CDHR1: variants seen among roughly 807,000 people sequenced by gnomAD.
CDHR1 encodes the protein cadherin related family member 1.
Under a neutral mutation model 72.1 loss-of-function variants are expected in CDHR1, and 61 were observed. That is an observed-to-expected ratio of 0.85 (90% CI 0.69 to 1.05). The LOEUF (loss-of-function observed/expected upper bound fraction) is 1.05. CDHR1 is among the 50% of genes least tolerant of loss of function. The pLI is 0.00. For missense variants in CDHR1, 1,186 were observed against 1,115.7 expected, an observed-to-expected ratio of 1.06 and a Z score of -0.90; for synonymous variants, 470 against 448.1, an observed-to-expected ratio of 1.05 and a Z score of -0.62.
chr10:84,212,063 G>A, intron 14 of CDHR1, 116 bp from the exon 15 acceptor site: 1 of 899,926 alleles, frequency 1.1e-6, no homozygotes, highest in Non-Finnish European at 1.8e-6. Flanking sequence ...CACTTTGGAG[G>A]AGCTGCATGA....
In CDHR1 at chr10:84,216,741, C is replaced by T. The variant is rs2132842496; in HGVS notation, c.*2120C>T. ...GCAGGACATTTGCAGGCCTTGTCTA[C>T]TGGACTTTTCTCCCAAACAGGACAA... On this transcript the variant is annotated 3_prime_UTR_variant, in exon 17 of 17. Coordinates refer to ENST00000623527, the MANE Select transcript of CDHR1 (RefSeq NM_033100.4). 1 of 985,472 alleles carries T rather than the reference C, an allele frequency of 1.0e-6. No homozygotes were observed. Among genetic ancestry groups the T allele is most frequent in the Non-Finnish European group, 1.2e-6 (1 of 829,942 alleles). 61.0% of individuals were successfully genotyped at this position (985,472 alleles called of 1,614,324 possible).
chr10:84,219,169 T>C (rs1474211117), downstream of CDHR1: 2 of 1,550,300 alleles, frequency 1.3e-6, no homozygotes, highest in South Asian at 2.4e-5. Context: ...GAAACCACAT[T>C]CCAGCCAGGG....
At chr10:84,197,883 C>T in intron 4 of CDHR1, 47 bp downstream of exon 4, 1 of 1,567,648 alleles carries the variant, frequency 6.4e-7, no homozygotes, top group Non-Finnish European at 8.8e-7. Flanking sequence ...AGTATTTGGG[C>T]CTGAGAAGGG....
At chr10:84,219,316 C>A (rs972451594), downstream of CDHR1, 1 of 1,544,132 alleles carries the variant, frequency 6.5e-7, no homozygotes, top group South Asian at 1.2e-5. Context: ...AGACCATTTT[C>A]CCTCTCCCTA....
In CDHR1 at chr10:84,210,494, C is replaced by T. The variant is rs1381579128; in HGVS notation, c.1321-507C>T. ...GTTGGCCAGGCTGGTCTCGAACTCC[C>T]GACCTCAGGTGATCCACCCGCCTTG... is the stretch of plus-strand genomic sequence containing the variant. On this transcript the variant is annotated intron_variant, in intron 12 of 16. Coordinates refer to ENST00000623527, the MANE Select transcript of CDHR1 (RefSeq NM_033100.4). 2.6e-5 allele frequency among the ~76,000 whole-genome samples: 4 copies of T among 151,894 alleles called. No homozygotes were observed. In the South Asian group the frequency reaches 6.2e-4, roughly 24 times the overall value.
At chr10:84,205,018 G>C (rs1039070196) in intron 9 of CDHR1, among the ~76,000 whole-genome samples, 1 of 152,170 alleles carries the variant, frequency 6.6e-6, no homozygotes, top group Non-Finnish European at 1.5e-5. Flanking sequence ...CATCTCCCTA[G>C]TGCTAGCCCT....
chr10:84,210,510 A>AC (rs567145963), intron 12 of CDHR1, among the ~76,000 whole-genome samples: 44 of 151,914 alleles, frequency 2.9e-4, no homozygotes, highest in African/African-American at 6.8e-4. Context: ...CAGGTGATCC[A>AC]CCCGCCTTGG....
chr10:84,196,580 G>A lies in CDHR1; in HGVS notation c.227G>A (p.Ser76Asn), dbSNP rs771221565. The change falls in exon 3 of 17, where the codon AGC becomes AAC. Residue 76 changes from serine to asparagine, a missense_variant. Ser to Asn is a conservative substitution (Grantham distance 46). Coordinates refer to ENST00000623527, the MANE Select transcript of CDHR1 (RefSeq NM_033100.4). The stretch of plus-strand genomic sequence containing the variant: ...TCCTACCACATCAGCTTTGACCCCA[G>A]CACTAGAAGCGTCTTTTCTGTTGAC... The part of the protein sequence containing the change: ...PISYHISFDP[S>N]TRSVFSVDPT... 3.1e-6 allele frequency: 5 copies of A among 1,614,096 alleles called. No homozygotes were observed. The highest frequency in any genetic ancestry group is 4.2e-6 in the Non-Finnish European group (5 of 1,180,040).
At position 84,195,474 on chromosome 10, in the gene CDHR1, GT is replaced by G; in HGVS notation, c.56-18del. On this transcript the variant is annotated intron_variant, in intron 1 of 16. Transcript: ENST00000623527. ...GTGTCCTTTGCCTGGGTGTCCGTCT[GT>G]TCTGTGTTCTTTTTCCAGCTCAGGC... is the stretch of plus-strand genomic sequence containing the variant. 1 of 1,609,718 alleles carries G rather than the reference GT, an allele frequency of 6.2e-7. No homozygotes were observed.
In CDHR1 at chr10:84,195,501, C is replaced by A. The variant is rs755305775; in HGVS notation, c.63C>A (p.Ala21=). The A allele has an allele frequency of 3.7e-6, 6 of 1,613,974 alleles. No individual in the cohort carries two copies. In the Admixed American group the frequency reaches 1.0e-4, roughly 27 times the overall value. ...TCTGTGTTCTTTTTCCAGCTCAGGC[C>A]AACTTCGCCCCGCACTTCTTCGACA... ...LGLLRLCLAQ[A]NFAPHFFDNG... is the part of the protein sequence containing the mutation. The change falls in exon 2 of 17, where the codon GCC becomes GCA. Residue 21 remains alanine, a synonymous_variant. Transcript: ENST00000623527.
chr10:84,215,008 G>C lies in CDHR1; in HGVS notation c.*387G>C. On this transcript the variant is annotated 3_prime_UTR_variant, in exon 17 of 17. Transcript: ENST00000623527. Reference sequence around the variant, plus strand: ...CATCATCATCCTTAGTCAAGCAGCAGGGCCCTGGCCACGTGGAGCAACACT... The same window carrying C: ...CATCATCATCCTTAGTCAAGCAGCACGGCCCTGGCCACGTGGAGCAACACT... The C allele has an allele frequency of 8.7e-7, 1 of 1,145,372 alleles. No homozygotes were observed. Among genetic ancestry groups the C allele is most frequent in the African/African-American group, 1.6e-5 (1 of 62,294 alleles). The allele number at this position is 1,145,372 out of a possible 1,614,324, so 71.0% of individuals were successfully genotyped here. A position where few individuals can be genotyped will look rare whatever the true frequency, so the allele number is the denominator to read the frequency against.
chr10:84,216,073 G>A lies in CDHR1; in HGVS notation c.*1452G>A. On this transcript the variant is annotated 3_prime_UTR_variant, in exon 17 of 17. Transcript: ENST00000623527. ...ACAGAAGTCATACAAGGCCTCTGGGGTTAATACAAATAGGTTGTGCCCTGC... is the reference window on the plus strand; with the variant it reads ...ACAGAAGTCATACAAGGCCTCTGGGATTAATACAAATAGGTTGTGCCCTGC... The A allele has an allele frequency of 2.0e-6, 2 of 985,444 alleles. No homozygotes were observed. Among genetic ancestry groups the A allele is most frequent in the Non-Finnish European group, 2.4e-6 (2 of 829,946 alleles). The allele number at this position is 985,444 out of a possible 1,614,324, so 61.0% of individuals were successfully genotyped here.
intron 6 of CDHR1, 71 bp downstream of exon 6, chr10:84,200,758 T>A: frequency 2.8e-6 from 3 of 1,065,460 alleles, no homozygotes; most frequent in Non-Finnish European, 4.3e-6. Context: ...CCTACCTCCA[T>A]CGCCCCAGGC....
chr10:84,205,675 C>T, intron 9 of CDHR1, 152 bp from the exon 10 acceptor site: 1 of 695,168 alleles, frequency 1.4e-6, no homozygotes, highest in Admixed American at 2.0e-5. Context: ...TACTTAGCCC[C>T]TCTGAGACTG....
chr10:84,214,817 G>T lies in CDHR1; in HGVS notation c.*196G>T. 1.3e-6 allele frequency: 2 copies of T among 1,501,732 alleles called. No homozygotes were observed. Among genetic ancestry groups the T allele is most frequent in the Non-Finnish European group, 1.8e-6 (2 of 1,136,450 alleles). The allele number at this position is 1,501,732 out of a possible 1,614,324, so 93.0% of individuals were successfully genotyped here. On this transcript the variant is annotated 3_prime_UTR_variant, in exon 17 of 17. Coordinates refer to ENST00000623527, the MANE Select transcript of CDHR1 (RefSeq NM_033100.4). The stretch of plus-strand genomic sequence containing the variant: ...TGCGCTCTGACAGGGCTCTAGTCAG[G>T]GCCTTGGGCAAGACATTGGGCTCTA...
chr10:84,217,955 A>T lies in CDHR1; in HGVS notation c.*3334A>T. 1 of 985,452 alleles carries T rather than the reference A, an allele frequency of 1.0e-6. No individual in the cohort carries two copies. Among genetic ancestry groups the T allele is most frequent in the Non-Finnish European group, 1.2e-6 (1 of 829,960 alleles). 61.0% of individuals were successfully genotyped at this position (985,452 alleles called of 1,614,324 possible). A position where few individuals can be genotyped will look rare whatever the true frequency, so the allele number is the denominator to read the frequency against. On this transcript the variant is annotated 3_prime_UTR_variant, in exon 17 of 17. Coordinates refer to ENST00000623527, the MANE Select transcript of CDHR1 (RefSeq NM_033100.4). ...CTCAGAATCCTGCTAGAAAAGTGTG[A>T]TCAGAGCTGGGAAGGAGCCACCATG...
Position 84,215,471 on chromosome 10 carries a change from T to C in CDHR1, c.*850T>C, listed in dbSNP as rs1161183823. 1.0e-6 allele frequency: 1 copy of C among 983,844 alleles called. No individual in the cohort carries two copies. Among genetic ancestry groups the C allele is most frequent in the Non-Finnish European group, 1.2e-6 (1 of 828,656 alleles). 60.9% of individuals were successfully genotyped at this position (983,844 alleles called of 1,614,324 possible). A position where few individuals can be genotyped will look rare whatever the true frequency, so the allele number is the denominator to read the frequency against. ...GAGACAATTCAGGGCAGTTGATGAA[T>C]ATCAGGGCTGAGATGTGGTGAGACT... On this transcript the variant is annotated 3_prime_UTR_variant, in exon 17 of 17. Transcript: ENST00000623527.
intron 12 of CDHR1, 146 bp from the exon 13 acceptor site, chr10:84,210,855 T>C: frequency 1.1e-6 from 1 of 876,996 alleles, no homozygotes; most frequent in East Asian, 2.4e-5. Flanking sequence ...GAGGTGACCC[T>C]TACAGGAATA....
chr10:84,204,917 T>C (rs1329446060), intron 9 of CDHR1, among the ~76,000 whole-genome samples: 2 of 152,208 alleles, frequency 1.3e-5, no homozygotes, highest in Non-Finnish European at 2.9e-5. Flanking sequence ...TCTCACACTT[T>C]TTAAGTGGCT....
Sources: allele counts gnomAD v4.1 joint callset (sites outside exome capture counted in the v4.1 genomes callset), GRCh38; gene constraint gnomAD v4.1.1; transcripts MANE v1.5; gene names NCBI Gene and HGNC (gene_info 2026-07-23, HGNC 2026-07-21).